The following PCM1 variants were observed in gnomAD, a reference collection of about 807,000 sequenced individuals.
The protein encoded by PCM1 is pericentriolar material 1 protein.
PCM1 carries 157 observed loss-of-function variants against 241.9 expected under a neutral mutation model. The observed-to-expected ratio is 0.65, with a 90% CI of 0.57 to 0.74. The LOEUF is 0.74. Ranked by LOEUF, PCM1 falls within the 30% of genes least tolerant of loss-of-function variation. The probability of loss-of-function intolerance (pLI) is 0.00; values close to 1 mark genes in which losing one functional copy is unlikely to be tolerated. For synonymous variants in PCM1, 1,085 were observed against 784.9 expected, an observed-to-expected ratio of 1.38 and a Z score of -6.39; for missense variants, 3,478 against 2,360.1, an observed-to-expected ratio of 1.47 and a Z score of -9.81.
intron 27 of PCM1, among the ~76,000 whole-genome samples, chr8:17,991,336 G>A (rs1399748220): frequency 3.9e-5 from 6 of 152,128 alleles, no homozygotes. Flanking sequence ...GCAAATGAAA[G>A]TAATGTCATC....
In PCM1 at chr8:18,014,642, A is replaced by G. The variant is rs1209787560; in HGVS notation, c.5643A>G (p.Gln1881=). 1.7e-5 allele frequency: 27 copies of G among 1,613,302 alleles called. No individual in the cohort carries two copies. Among genetic ancestry groups the G allele is most frequent in the Middle Eastern group, 1.7e-4 (1 of 6,060 alleles). Residue 1881 remains glutamine, a synonymous_variant, in exon 36 of 39, where the codon CAA becomes CAG. Coordinates refer to ENST00000325083, the MANE Select transcript of PCM1 (RefSeq NM_006197.4). The stretch of plus-strand genomic sequence containing the variant: ...ACCTCAATATCTTGGAAGATGAGCA[A>G]CCTTTAAATAGTGCTGCCCATAAGG... ...PCYLNILEDE[Q]PLNSAAHKES...
At chr8:17,992,874 C>G (rs1588032003) in intron 28 of PCM1, among the ~76,000 whole-genome samples, 1 of 151,716 alleles carries the variant, frequency 6.6e-6, no homozygotes, top group Non-Finnish European at 1.5e-5. Context: ...ACCTCAGCCT[C>G]CCAATGTGCT....
intron 2 of PCM1, chr8:17,926,230 C>A (rs190779060): frequency 6.6e-6 from 1 of 152,062 alleles, no homozygotes. Flanking sequence ...ATTGAGTTAA[C>A]TTAAATTGGA....
intron 2 of PCM1, among the ~76,000 whole-genome samples, chr8:17,932,429 T>C (rs2059310660): frequency 6.6e-6 from 1 of 152,156 alleles, no homozygotes; most frequent in African/African-American, 2.4e-5. Flanking sequence ...CCTTTTACTG[T>C]CATTAGGATT....
At chr8:17,955,327 T>TA in intron 9 of PCM1, 143 bp from the exon 10 acceptor site, 1 of 591,500 alleles carries the variant, frequency 1.7e-6, no homozygotes, top group Non-Finnish European at 2.9e-6. Context: ...AGTAAGTTAA[T>TA]AAACAATTTT....
At chr8:17,942,137 A>G (rs113520713) in intron 6 of PCM1, among the ~76,000 whole-genome samples, 2 of 152,114 alleles carry the variant, frequency 1.3e-5, no homozygotes, top group African/African-American at 4.8e-5. Context: ...CACGTTCTTA[A>G]ACCTTGACCA....
intron 21 of PCM1, chr8:17,969,365 T>G: frequency 4.5e-6 from 2 of 447,722 alleles, no homozygotes; most frequent in South Asian, 3.2e-5. Context: ...CTTAAGGGAG[T>G]GGGGATTATT....
intron 15 of PCM1, among the ~76,000 whole-genome samples, chr8:17,961,272 C>G (rs1301715945): frequency 7.0e-6 from 1 of 142,630 alleles, no homozygotes; most frequent in Non-Finnish European, 1.5e-5. Flanking sequence ...ATAATAATTC[C>G]TTCTGATATT....
intron 27 of PCM1, among the ~76,000 whole-genome samples, chr8:17,991,062 T>G (rs748715825): frequency 1.3e-5 from 2 of 151,862 alleles, no homozygotes; most frequent in African/African-American, 2.4e-5. Flanking sequence ...TTTTTTTTCT[T>G]ACAAACCTGC....
At chr8:18,007,681 T>C (rs2091709324) in intron 30 of PCM1, among the ~76,000 whole-genome samples, 2 of 152,214 alleles carry the variant, frequency 1.3e-5, no homozygotes, top group South Asian at 4.1e-4. Flanking sequence ...TTAATTTACG[T>C]TAAATATTGC....
chr8:17,997,090 G>A (rs930001520), intron 29 of PCM1, among the ~76,000 whole-genome samples: 21 of 151,828 alleles, frequency 1.4e-4, no homozygotes, highest in African/African-American at 5.1e-4. Context: ...GTCTGGTGTT[G>A]ATGAAATCCC....
intron 26 of PCM1, among the ~76,000 whole-genome samples, chr8:17,989,562 A>G (rs895585821): frequency 2.6e-5 from 4 of 152,074 alleles, no homozygotes; most frequent in African/African-American, 7.2e-5. Flanking sequence ...GAGTATAGAA[A>G]TAATGTAAAA....
chr8:17,956,535 T>A, intron 10 of PCM1, 69 bp from the exon 11 acceptor site: 1 of 955,714 alleles, frequency 1.0e-6, no homozygotes, highest in Non-Finnish European at 1.6e-6. Flanking sequence ...TGCTATGATA[T>A]GAAAATAATG....
rs572687289 is a variant in PCM1, at chr8:18,008,617, G to T, written c.4963-930G>T. On this transcript the variant is annotated intron_variant, in intron 30 of 38. Transcript: ENST00000325083. ...TTTAGAGAAGCTTAACAGAGTTTCA[G>T]CATCTTTCTATATAAGGCTTTAATG... is the stretch of plus-strand genomic sequence containing the variant. 1.2e-4 allele frequency among the ~76,000 whole-genome samples: 18 copies of T among 152,228 alleles called. No individual in the cohort carries two copies. In the South Asian group the frequency reaches 3.7e-3, roughly 32 times the overall value.
chr8:18,020,200 C>T (rs967308953), intron 36 of PCM1, among the ~76,000 whole-genome samples: 2 of 152,138 alleles, frequency 1.3e-5, no homozygotes, highest in Non-Finnish European at 2.9e-5. Context: ...AGTCCTTACT[C>T]AGAAACGTGG....
In PCM1 at chr8:17,929,481, A is replaced by G. The variant is rs544137995; in HGVS notation, c.-23+4701A>G. ...TAGATCGCTATTTGTCAACCGGACA[A>G]TTTTATTGGGTGTATTATAGGCACA... On this transcript the variant is annotated intron_variant, in intron 2 of 38. Coordinates refer to ENST00000325083, the MANE Select transcript of PCM1 (RefSeq NM_006197.4). 4.5e-4 allele frequency among the ~76,000 whole-genome samples: 69 copies of G among 152,284 alleles called. No homozygotes were observed. In the South Asian group the frequency reaches 0.013, roughly 28 times the overall value.
At chr8:17,967,899 A>G (rs1195841399) in intron 21 of PCM1, among the ~76,000 whole-genome samples, 4 of 152,244 alleles carry the variant, frequency 2.6e-5, no homozygotes, top group Middle Eastern at 3.4e-3. Flanking sequence ...ACCAGACACT[A>G]TGTAAGTTAC....
chr8:18,021,646 C>A (rs2093764084), intron 36 of PCM1, among the ~76,000 whole-genome samples: 3 of 152,198 alleles, frequency 2.0e-5, no homozygotes, highest in Admixed American at 2.0e-4. Context: ...GGTGGCACTA[C>A]CATTGGCCTT....
chr8:17,955,672 T>C lies in PCM1; in HGVS notation c.1472+19T>C. 2 of 1,583,770 alleles carry C rather than the reference T, an allele frequency of 1.3e-6. No individual in the cohort carries two copies. The highest frequency in any genetic ancestry group is 1.1e-5 in the South Asian group (1 of 90,392). Reference sequence around the variant, plus strand: ...AACTCCAGTAAAACATTTATAATCATTGTTTACATGAAGTTAAATAATAGG... The same window carrying C: ...AACTCCAGTAAAACATTTATAATCACTGTTTACATGAAGTTAAATAATAGG... On this transcript the variant is annotated intron_variant, in intron 10 of 38. Coordinates refer to ENST00000325083, the MANE Select transcript of PCM1 (RefSeq NM_006197.4).
Sources: gnomAD v4.1 joint callset for allele counts (sites outside exome capture counted in the v4.1 genomes callset) on GRCh38, gnomAD v4.1.1 for gene constraint, MANE v1.5 for transcripts, NCBI Gene and HGNC (gene_info 2026-07-23, HGNC 2026-07-21) for gene names.